CNTN5: variants seen among roughly 807,000 people sequenced by gnomAD.
The protein encoded by CNTN5 is contactin 5, also known as contactin-5.
CNTN5 carries 77 observed loss-of-function variants against 129.1 expected under a neutral mutation model. That is an observed-to-expected ratio of 0.60 (90% CI 0.50 to 0.72). The LOEUF (loss-of-function observed/expected upper bound fraction) is 0.72. Ranked by LOEUF, CNTN5 falls within the 30% of genes least tolerant of loss-of-function variation. CNTN5 has a pLI of 0.00. For missense variants in CNTN5, 1,478 were observed against 1,328.8 expected, an observed-to-expected ratio of 1.11 and a Z score of -1.75; for synonymous variants, 509 against 465.6, an observed-to-expected ratio of 1.09 and a Z score of -1.20.
chr11:99,349,173 C>A (rs1378231168), intron 2 of CNTN5, among the ~76,000 whole-genome samples: 10 of 152,208 alleles, frequency 6.6e-5, no homozygotes, highest in African/African-American at 1.9e-4. Context: ...GCCAGACCAC[C>A]CTGAATGTGC....
intron 2 of CNTN5, among the ~76,000 whole-genome samples, chr11:99,535,097 G>A (rs1038584909): frequency 7.9e-5 from 12 of 152,130 alleles, no homozygotes; most frequent in South Asian, 4.1e-4. Flanking sequence ...TGCTGAAGCC[G>A]TTAAAGGAAT....
At chr11:100,265,235 G>A (rs930933789) in intron 17 of CNTN5, among the ~76,000 whole-genome samples, 1 of 152,104 alleles carries the variant, frequency 6.6e-6, no homozygotes, top group East Asian at 1.9e-4. Context: ...GCTATCACTA[G>A]ATGTGTCCTC....
At chr11:99,580,132 T>G (rs1234489612) in intron 3 of CNTN5, among the ~76,000 whole-genome samples, 1 of 152,200 alleles carries the variant, frequency 6.6e-6, no homozygotes, top group Non-Finnish European at 1.5e-5. Flanking sequence ...TGGATTACAT[T>G]TATTGATTTG....
intron 1 of CNTN5, among the ~76,000 whole-genome samples, chr11:99,201,647 G>T (rs1200018473): frequency 6.6e-6 from 1 of 152,060 alleles, no homozygotes; most frequent in Admixed American, 6.6e-5. Context: ...CTGGAATTAG[G>T]TGGGTGCCTA....
At position 99,226,272 on chromosome 11, in the gene CNTN5, G is replaced by A. The variant is rs17133299; in HGVS notation, c.-209-99074G>A. 2.6e-5 allele frequency among the ~76,000 whole-genome samples: 4 copies of A among 152,244 alleles called. No individual in the cohort carries two copies. The East Asian group carries it at 5.8e-4, about 22-fold the overall frequency. On this transcript the variant is annotated intron_variant, in intron 1 of 24. Coordinates refer to ENST00000524871, the MANE Select transcript of CNTN5 (RefSeq NM_014361.4). ...TGCTAGCAAACTAAGAGACACTAAC[G>A]TGAGGGTCTTTAGGATCCCCCTTCA...
intron 3 of CNTN5, among the ~76,000 whole-genome samples, chr11:99,712,016 C>T (rs1487697259): frequency 6.6e-6 from 1 of 152,168 alleles, no homozygotes; most frequent in Non-Finnish European, 1.5e-5. Flanking sequence ...ATGGCTAGGT[C>T]AAATGGTACT....
intron 2 of CNTN5, among the ~76,000 whole-genome samples, chr11:99,509,512 A>C (rs993065947): frequency 1.3e-5 from 2 of 152,178 alleles, no homozygotes; most frequent in Admixed American, 6.5e-5. Context: ...AAGAGCAAAA[A>C]GGGAAGGTGC....
chr11:99,092,004 A>C (rs1866272156), intron 1 of CNTN5, among the ~76,000 whole-genome samples: 1 of 152,142 alleles, frequency 6.6e-6, no homozygotes. Flanking sequence ...ATAAAGTATG[A>C]TATCCCTGGA....
Position 100,050,488 on chromosome 11 carries a change from G to A in CNTN5, c.981-10724G>A, listed in dbSNP as rs550992968. On this transcript the variant is annotated intron_variant, in intron 9 of 24. Coordinates refer to ENST00000524871, the MANE Select transcript of CNTN5 (RefSeq NM_014361.4). ...TGGGGACTGTTGTGGGGTGGGGAGA[G>A]GGGGGAGGGATAGCTTTAGGAGATA... Among the ~76,000 whole-genome samples, 5 of 152,068 alleles carry A rather than the reference G, an allele frequency of 3.3e-5. No homozygotes were observed. The South Asian group carries it at 1.0e-3, about 32-fold the overall frequency.
At chr11:99,816,230 CA>C (rs560557278) in intron 3 of CNTN5, among the ~76,000 whole-genome samples, 9 of 151,886 alleles carry the variant, frequency 5.9e-5, no homozygotes, top group African/African-American at 9.7e-5. Context: ...TGCTTTTCTT[CA>C]AAAAAAATGC....
At chr11:99,445,380 C>T (rs1435577388) in intron 2 of CNTN5, among the ~76,000 whole-genome samples, 1 of 152,000 alleles carries the variant, frequency 6.6e-6, no homozygotes, top group Non-Finnish European at 1.5e-5. Context: ...TTTATGGTGC[C>T]TGAATACACA....
intron 3 of CNTN5, among the ~76,000 whole-genome samples, chr11:99,748,312 G>A (rs561424449): frequency 5.3e-5 from 8 of 152,188 alleles, no homozygotes; most frequent in African/African-American, 1.7e-4. Flanking sequence ...ATGTTGGGTT[G>A]AATTCAACTC....
chr11:99,857,209 C>T (rs1156937818), intron 6 of CNTN5, among the ~76,000 whole-genome samples: 3 of 152,114 alleles, frequency 2.0e-5, no homozygotes, highest in African/African-American at 7.2e-5. Flanking sequence ...ACACCACTGA[C>T]TTTATTAGAC....
intron 2 of CNTN5, among the ~76,000 whole-genome samples, chr11:99,470,211 C>G (rs1008729104): frequency 4.6e-5 from 7 of 152,142 alleles, no homozygotes; most frequent in Admixed American, 3.9e-4. Flanking sequence ...TTTATGTCCT[C>G]CACTGAATCT....
chr11:99,962,549 G>A (rs1950977948), intron 8 of CNTN5, among the ~76,000 whole-genome samples: 1 of 151,392 alleles, frequency 6.6e-6, no homozygotes. Flanking sequence ...TCTTAATCCA[G>A]TCTATCATTG....
intron 6 of CNTN5, among the ~76,000 whole-genome samples, chr11:99,859,546 T>C (rs1303633511): frequency 2.0e-5 from 3 of 152,176 alleles, no homozygotes; most frequent in Non-Finnish European, 4.4e-5. Flanking sequence ...TTTTGCCCTC[T>C]TTGTATCCAC....
chr11:99,235,309 T>C (rs951609381), intron 1 of CNTN5, among the ~76,000 whole-genome samples: 1 of 152,140 alleles, frequency 6.6e-6, no homozygotes, highest in Non-Finnish European at 1.5e-5. Flanking sequence ...TGCTTTTATA[T>C]AGCAATCACA....
At chr11:99,968,725 A>G (rs11222092) in intron 8 of CNTN5, among the ~76,000 whole-genome samples, 31,081 of 122,970 alleles carry the variant, frequency 0.25, 4,092 homozygotes, top group African/African-American at 0.39. Flanking sequence ...GGTACTGAAT[A>G]TTCTATCCTA....
At chr11:99,489,829 A>G (rs1945965774) in intron 2 of CNTN5, among the ~76,000 whole-genome samples, 1 of 152,194 alleles carries the variant, frequency 6.6e-6, no homozygotes, top group African/African-American at 2.4e-5. Flanking sequence ...AGCAAAAGTG[A>G]GAGTGAAAGT....
Sources: gnomAD v4.1 joint callset for allele counts (sites outside exome capture counted in the v4.1 genomes callset) on GRCh38, gnomAD v4.1.1 for gene constraint, MANE v1.5 for transcripts, NCBI Gene and HGNC (gene_info 2026-07-23, HGNC 2026-07-21) for gene names.